The following ICE1 variants were observed in gnomAD, a reference collection of about 807,000 sequenced individuals.
ICE1 encodes little elongation complex subunit 1.
A neutral mutation model predicts 192.7 loss-of-function variants in ICE1; 64 were observed. That is an observed-to-expected ratio of 0.33 (90% CI 0.27 to 0.41). The LOEUF (loss-of-function observed/expected upper bound fraction) is 0.41. Among genes scored for constraint, ICE1 ranks in the 10% least tolerant of loss-of-function variants. The probability of loss-of-function intolerance (pLI) is 1.00; values close to 1 mark genes in which losing one functional copy is unlikely to be tolerated. For synonymous variants in ICE1, 1,010 were observed against 984.5 expected, an observed-to-expected ratio of 1.03 and a Z score of -0.49; for missense variants, 2,708 against 2,696.0, an observed-to-expected ratio of 1.00 and a Z score of -0.10.
chr5:5,459,094 C>T (rs1046479143), intron 12 of ICE1, among the ~76,000 whole-genome samples: 1 of 152,092 alleles, frequency 6.6e-6, no homozygotes, highest in Non-Finnish European at 1.5e-5. Context: ...AGGATGGTCT[C>T]GCTCTCCTGA....
intron 17 of ICE1, among the ~76,000 whole-genome samples, chr5:5,478,299 A>T (rs193111781): frequency 4.6e-5 from 7 of 152,360 alleles, no homozygotes; most frequent in Admixed American, 2.6e-4. Context: ...AATCACAAGC[A>T]TTCCTATATA....
At chr5:5,445,523 C>G (rs1032177022) in intron 7 of ICE1, among the ~76,000 whole-genome samples, 6 of 151,996 alleles carry the variant, frequency 3.9e-5, no homozygotes, top group African/African-American at 1.4e-4. Context: ...CCCCTGCCTT[C>G]TGGATTTAAG....
At chr5:5,482,375 A>G (rs1364811681) in intron 17 of ICE1, among the ~76,000 whole-genome samples, 1 of 152,252 alleles carries the variant, frequency 6.6e-6, no homozygotes, top group Non-Finnish European at 1.5e-5. Context: ...TGACAATACC[A>G]TGTACTAAAA....
At chr5:5,474,464 A>G (rs1335069071) in intron 16 of ICE1, among the ~76,000 whole-genome samples, 1 of 152,222 alleles carries the variant, frequency 6.6e-6, no homozygotes, top group East Asian at 1.9e-4. Flanking sequence ...TTATCGTAAC[A>G]TACAGATACT....
At chr5:5,453,631 A>G (rs972979850) in intron 10 of ICE1, among the ~76,000 whole-genome samples, 1 of 152,174 alleles carries the variant, frequency 6.6e-6, no homozygotes, top group Non-Finnish European at 1.5e-5. Flanking sequence ...TACTTAAGCT[A>G]CTTTTAGTTG....
chr5:5,439,970 A>G (rs1306346745), intron 4 of ICE1, 57 bp downstream of exon 4: 2 of 1,233,514 alleles, frequency 1.6e-6, no homozygotes, highest in African/African-American at 1.6e-5. Flanking sequence ...TTGATCTGAG[A>G]TAGACATTTA....
chr5:5,480,224 T>C (rs1160490344), intron 17 of ICE1, among the ~76,000 whole-genome samples: 1 of 151,982 alleles, frequency 6.6e-6, no homozygotes, highest in Non-Finnish European at 1.5e-5. Context: ...TTATGACTTT[T>C]AAGTATCTTT....
At chr5:5,423,292 G>T (rs1737387165) in intron 1 of ICE1, among the ~76,000 whole-genome samples, 2 of 152,166 alleles carry the variant, frequency 1.3e-5, no homozygotes, top group East Asian at 1.9e-4. Flanking sequence ...TCCCTACCCG[G>T]CCTCGGAGCT....
intron 15 of ICE1, among the ~76,000 whole-genome samples, chr5:5,469,249 C>T (rs1446659098): frequency 3.9e-5 from 6 of 152,270 alleles, no homozygotes; most frequent in East Asian, 3.9e-4. Flanking sequence ...ATGAAACCCA[C>T]GCATAGGTGT....
chr5:5,444,360 T>TAA (rs1383659549), intron 7 of ICE1, 34 bp downstream of exon 7: 5 of 1,515,802 alleles, frequency 3.3e-6, no homozygotes, highest in African/African-American at 1.4e-5. Context: ...AAGTTTTCGG[T>TAA]CAGTACAAAA....
intron 10 of ICE1, among the ~76,000 whole-genome samples, chr5:5,453,058 G>C (rs1406912446): frequency 6.6e-6 from 1 of 152,086 alleles, no homozygotes; most frequent in Non-Finnish European, 1.5e-5. Flanking sequence ...CAAAGGCATA[G>C]CTCTGGATGA....
At position 5,460,945 on chromosome 5, in the gene ICE1, A is replaced by G. The variant is rs759181573; in HGVS notation, c.1611A>G (p.Lys537=). 4 of 1,614,028 alleles carry G rather than the reference A, an allele frequency of 2.5e-6. No individual in the cohort carries two copies. The East Asian group carries it at 8.9e-5, about 36-fold the overall frequency. The part of the protein sequence containing the change: ...KSELCSSPLG[K]RPLNELMESE... ...AGTTGTGTTCTTCTCCCCTTGGCAA[A>G]AGGCCATTAAATGAACTCATGGAAT... The change falls in exon 13 of 19, where the codon AAA becomes AAG. Residue 537 remains lysine, a synonymous_variant. Transcript: ENST00000296564.
intron 17 of ICE1, among the ~76,000 whole-genome samples, chr5:5,481,055 A>C (rs1160799380): frequency 6.6e-6 from 1 of 152,164 alleles, no homozygotes; most frequent in Non-Finnish European, 1.5e-5. Flanking sequence ...GGCATTCCCC[A>C]TAGTTAGGTG....
chr5:5,475,773 G>A lies in ICE1; in HGVS notation c.6414-200G>A, dbSNP rs565840877. 5.3e-5 allele frequency among the ~76,000 whole-genome samples: 8 copies of A among 152,330 alleles called. 1 individual carries two copies. The East Asian group carries it at 1.5e-3, about 29-fold the overall frequency. ...AGAACAAGATGCAAGCACTGAATTT[G>A]CAGCCACGTTTAAGCTAGCATGGGC... On this transcript the variant is annotated intron_variant, in intron 16 of 18. Coordinates refer to ENST00000296564, the MANE Select transcript of ICE1 (RefSeq NM_015325.3).
chr5:5,447,834 CT>C lies in ICE1; in HGVS notation c.548-3del. 1 of 1,576,764 alleles carries C rather than the reference CT, an allele frequency of 6.3e-7. No homozygotes were observed. Among genetic ancestry groups the C allele is most frequent in the East Asian group, 2.3e-5 (1 of 43,634 alleles). ...TTTTATTAACCGTTTTTTCCCCATG[CT>C]TTTAGAGTTGAGACATATTGGAACA... is the stretch of plus-strand genomic sequence containing the variant. On this transcript the variant is annotated splice_region_variant and splice_polypyrimidine_tract_variant and intron_variant, in intron 9 of 18. Coordinates refer to ENST00000296564, the MANE Select transcript of ICE1 (RefSeq NM_015325.3).
rs150379834 is a variant in ICE1 at position 5,461,440 on chromosome 5, C to T, written c.2106C>T (p.Ser702=). The stretch of plus-strand genomic sequence containing the variant: ...TAGGAGGAAACAACTTGGAGAATAG[C>T]TTGTGTGCCTTGAGCCCTGAATTGG... ...CSIGGNNLEN[S]LCALSPELGA... is the part of the protein sequence containing the mutation. Residue 702 remains serine, a synonymous_variant, in exon 13 of 19, where the codon AGC becomes AGT. Coordinates refer to ENST00000296564, the MANE Select transcript of ICE1 (RefSeq NM_015325.3). 1,999 of 1,614,018 alleles carry T rather than the reference C, an allele frequency of 1.2e-3. 9 individuals are homozygous for T. The highest frequency in any genetic ancestry group is 9.7e-3 in the Middle Eastern group (59 of 6,062).
intron 5 of ICE1, 79 bp downstream of exon 5, chr5:5,441,302 G>C: frequency 1.1e-6 from 1 of 871,090 alleles, no homozygotes; most frequent in Non-Finnish European, 1.8e-6. Flanking sequence ...GGACGAGGGG[G>C]CTTTTGATGT....
At chr5:5,489,046 G>A (rs1257956719) in intron 18 of ICE1, 103 bp from the exon 19 acceptor site, 1 of 949,070 alleles carries the variant, frequency 1.1e-6, no homozygotes, top group Non-Finnish European at 1.6e-6. Flanking sequence ...ATTGCTGGCA[G>A]AAAGCATTCT....
chr5:5,449,615 T>C (rs1043019752), intron 10 of ICE1, among the ~76,000 whole-genome samples: 3 of 152,188 alleles, frequency 2.0e-5, no homozygotes, highest in Non-Finnish European at 4.4e-5. Context: ...TAAGTTTTCA[T>C]TGCAGAAGCT....
Sources: allele counts gnomAD v4.1 joint callset (sites outside exome capture counted in the v4.1 genomes callset), GRCh38; gene constraint gnomAD v4.1.1; transcripts MANE v1.5; gene names NCBI Gene and HGNC (gene_info 2026-07-23, HGNC 2026-07-21).